The following CHCHD6 variants were observed in gnomAD, a reference collection of about 807,000 sequenced individuals.
CHCHD6 encodes coiled-coil-helix-coiled-coil-helix domain containing 6.
Under a neutral mutation model 32.3 loss-of-function variants are expected in CHCHD6, and 28 were observed. The observed-to-expected ratio is 0.87, with a 90% confidence interval of 0.64 to 1.19. The LOEUF is 1.19. Among genes scored for constraint, CHCHD6 ranks in the 50% most tolerant of loss-of-function variants. The pLI is 0.00. For missense variants in CHCHD6, 333 were observed against 307.0 expected (o/e 1.08, Z -0.63); for synonymous variants, 122 against 117.5 (o/e 1.04, Z -0.25).
At chr3:126,869,287 CCTTT>C (rs1184055046) in intron 5 of CHCHD6, among the ~76,000 whole-genome samples, 7 of 134,544 alleles carry the variant, frequency 5.2e-5, no homozygotes, top group Non-Finnish European at 7.9e-5. Context: ...ACACCAGTCT[CCTTT>C]TTTTTTTTTT....
At chr3:126,935,431 A>G (rs148215468) in intron 6 of CHCHD6, among the ~76,000 whole-genome samples, 1,810 of 152,332 alleles carry the variant, frequency 0.012, 19 homozygotes, top group Middle Eastern at 0.048. Flanking sequence ...CATGATAACC[A>G]GGTTAAGTCC....
At chr3:126,822,156 A>C (rs1010876361) in intron 4 of CHCHD6, among the ~76,000 whole-genome samples, 1 of 152,218 alleles carries the variant, frequency 6.6e-6, no homozygotes, top group Non-Finnish European at 1.5e-5. Context: ...AAGGTCATGA[A>C]GAGGGATTCC....
intron 5 of CHCHD6, among the ~76,000 whole-genome samples, chr3:126,912,366 C>G (rs1476126496): frequency 1.3e-5 from 2 of 152,116 alleles, no homozygotes; most frequent in African/African-American, 4.8e-5. Flanking sequence ...GGATACTGGA[C>G]TGGTCGAGGC....
chr3:126,738,495 TTA>T (rs1936152365), intron 4 of CHCHD6, among the ~76,000 whole-genome samples: 1 of 152,254 alleles, frequency 6.6e-6, no homozygotes, highest in South Asian at 2.1e-4. Context: ...TCCTACATTT[TTA>T]TTGTCTTGTT....
intron 4 of CHCHD6, among the ~76,000 whole-genome samples, chr3:126,768,050 G>A (rs1211916930): frequency 1.3e-5 from 2 of 152,194 alleles, no homozygotes; most frequent in African/African-American, 4.8e-5. Flanking sequence ...TAGTGCTGCA[G>A]TGAACATATG....
At chr3:126,752,730 C>T (rs936744189) in intron 4 of CHCHD6, among the ~76,000 whole-genome samples, 8 of 152,194 alleles carry the variant, frequency 5.3e-5, no homozygotes, top group South Asian at 2.1e-4. Context: ...TCTCCCTGCC[C>T]CTTTAGCGCG....
At chr3:126,801,771 C>T (rs1939084531) in intron 4 of CHCHD6, among the ~76,000 whole-genome samples, 1 of 152,216 alleles carries the variant, frequency 6.6e-6, no homozygotes, top group Non-Finnish European at 1.5e-5. Context: ...CAAGTGGGTC[C>T]CTGACCCCTG....
At chr3:126,717,899 G>A (rs1446995859) in intron 1 of CHCHD6, among the ~76,000 whole-genome samples, 1 of 152,190 alleles carries the variant, frequency 6.6e-6, no homozygotes, top group Admixed American at 6.5e-5. Context: ...AGCTTGTAGG[G>A]CAAGGACTGT....
Position 126,773,602 on chromosome 3 carries a change from C to CTTTTTTTTT in CHCHD6, c.411+40396_411+40404dup, listed in dbSNP as rs769256372. ...GTTGGTTCTGACAGTTTCTGCTTTTCTTTTTTTTTTTTTTTTTTTTTTTTG... is the reference window on the plus strand; with the variant it reads ...GTTGGTTCTGACAGTTTCTGCTTTTCTTTTTTTTTTTTTTTTTTTTTTTTTTTTTTTTTG... On this transcript the variant is annotated intron_variant, in intron 4 of 7. Transcript: ENST00000290913. Among the ~76,000 whole-genome samples, 37 of 89,948 alleles carry CTTTTTTTTT rather than the reference C, an allele frequency of 4.1e-4. 1 individual carries two copies. The highest frequency in any genetic ancestry group is 1.1e-3 in the African/African-American group (25 of 22,830). 59.0% of individuals were successfully genotyped at this position (89,948 alleles called of 152,430 possible). A position where few individuals can be genotyped will look rare whatever the true frequency, so the allele number is the denominator to read the frequency against.
intron 6 of CHCHD6, among the ~76,000 whole-genome samples, chr3:126,953,692 C>CTGA (rs1206001877): frequency 6.6e-6 from 1 of 152,184 alleles, no homozygotes; most frequent in African/African-American, 2.4e-5. Flanking sequence ...TCTTTGATGC[C>CTGA]TGTGCAAACA....
intron 5 of CHCHD6, among the ~76,000 whole-genome samples, chr3:126,892,929 T>C (rs1360370940): frequency 1.3e-5 from 2 of 152,102 alleles, no homozygotes; most frequent in African/African-American, 4.8e-5. Flanking sequence ...TTTTTGTTTT[T>C]GTTTTTCTTT....
In CHCHD6 at chr3:126,852,666, G is replaced by A. The variant is rs1394939161; in HGVS notation, c.431G>A (p.Arg144Lys). Reference sequence around the variant, plus strand: ...AAGCAGGCCAGGGAGCTGGAGAGCAGAGAGGCAGAGCTAAGACGCCGTGAC... The same window carrying A: ...AAGCAGGCCAGGGAGCTGGAGAGCAAAGAGGCAGAGCTAAGACGCCGTGAC... Reference protein sequence around the residue: ...SVRLARELESREAELRRRDTF... With the variant: ...SVRLARELESKEAELRRRDTF... The change falls in exon 5 of 8, where the codon AGA (arginine) becomes AAA (lysine). Residue 144 changes from arginine to lysine, a missense_variant. Arg to Lys is a conservative substitution (Grantham distance 26, BLOSUM62 2). Coordinates refer to ENST00000290913, the MANE Select transcript of CHCHD6 (RefSeq NM_032343.3). 2 of 1,613,756 alleles carry A rather than the reference G, an allele frequency of 1.2e-6. No homozygotes were observed. The highest frequency in any genetic ancestry group is 1.7e-6 in the Non-Finnish European group (2 of 1,179,818).
At chr3:126,925,378 T>C (rs2078307778) in intron 6 of CHCHD6, among the ~76,000 whole-genome samples, 2 of 152,248 alleles carry the variant, frequency 1.3e-5, no homozygotes. Flanking sequence ...GTATCAGGGC[T>C]ACAGCCTTGG....
intron 5 of CHCHD6, among the ~76,000 whole-genome samples, chr3:126,914,411 G>A (rs1478590705): frequency 1.3e-5 from 2 of 152,192 alleles, no homozygotes; most frequent in Non-Finnish European, 2.9e-5. Context: ...ACAAAAACAG[G>A]TGGCAGGCTG....
intron 4 of CHCHD6, among the ~76,000 whole-genome samples, chr3:126,827,639 A>G (rs1298225307): frequency 1.3e-5 from 2 of 152,196 alleles, no homozygotes; most frequent in African/African-American, 2.4e-5. Flanking sequence ...GTCTTCTGAG[A>G]TGCCACTGTC....
intron 4 of CHCHD6, among the ~76,000 whole-genome samples, chr3:126,823,153 G>C (rs1330093763): frequency 6.6e-6 from 1 of 152,134 alleles, no homozygotes; most frequent in Admixed American, 6.5e-5. Flanking sequence ...CTGGGCTCAA[G>C]TAATCCTCCC....
intron 4 of CHCHD6, among the ~76,000 whole-genome samples, chr3:126,751,883 A>C (rs933942438): frequency 6.6e-6 from 1 of 152,206 alleles, no homozygotes; most frequent in African/African-American, 2.4e-5. Context: ...CAGCACATGG[A>C]ATGTGCCTGT....
At chr3:126,902,594 G>C (rs1312860464) in intron 5 of CHCHD6, among the ~76,000 whole-genome samples, 1 of 151,840 alleles carries the variant, frequency 6.6e-6, no homozygotes, top group Non-Finnish European at 1.5e-5. Flanking sequence ...GCGGGCACCT[G>C]TAGTCCCAGC....
At chr3:126,804,668 A>G (rs995626924) in intron 4 of CHCHD6, among the ~76,000 whole-genome samples, 2 of 152,228 alleles carry the variant, frequency 1.3e-5, no homozygotes, top group Non-Finnish European at 2.9e-5. Context: ...CAATCAATAG[A>G]AAAAGAGGGA....
Sources: gnomAD v4.1 joint callset for allele counts (sites outside exome capture counted in the v4.1 genomes callset) on GRCh38, gnomAD v4.1.1 for gene constraint, MANE v1.5 for transcripts, NCBI Gene and HGNC (gene_info 2026-07-23, HGNC 2026-07-21) for gene names.